Variants in GNAO1 observed in about 807,000 individuals in gnomAD.
The protein encoded by GNAO1 is guanine nucleotide-binding protein G(o) subunit alpha.
For missense variants in GNAO1, 166 were observed against 478.7 expected, an observed-to-expected ratio of 0.35 and a Z score of 6.10; for synonymous variants, 164 against 180.7, an observed-to-expected ratio of 0.91 and a Z score of 0.74.
At chr16:56,294,588 G>C (rs1172460962) in intron 3 of GNAO1, among the ~76,000 whole-genome samples, 1 of 152,186 alleles carries the variant, frequency 6.6e-6, no homozygotes, top group Non-Finnish European at 1.5e-5. Flanking sequence ...TGATGTACAA[G>C]TTTTTGTGGG....
At chr16:56,302,232 T>A (rs1332716332) in intron 3 of GNAO1, 1 of 152,338 alleles carries the variant, frequency 6.6e-6, no homozygotes, top group African/African-American at 2.4e-5. Flanking sequence ...GGCCTCTCCC[T>A]GAAGGGTTTC....
At chr16:56,296,412 T>C (rs1164055795) in intron 3 of GNAO1, among the ~76,000 whole-genome samples, 1 of 152,176 alleles carries the variant, frequency 6.6e-6, no homozygotes, top group Non-Finnish European at 1.5e-5. Flanking sequence ...GGAGAAGCGC[T>C]TGTTTCCCAT....
intron 6 of GNAO1, chr16:56,346,503 G>T: frequency 1.0e-6 from 1 of 985,380 alleles, no homozygotes; most frequent in Middle Eastern, 5.2e-4. Flanking sequence ...GACCTGCGCC[G>T]CTGACCATCC....
At chr16:56,262,572 A>G (rs1440631300) in intron 2 of GNAO1, among the ~76,000 whole-genome samples, 1 of 152,208 alleles carries the variant, frequency 6.6e-6, no homozygotes, top group East Asian at 1.9e-4. Context: ...AAGACTGAAC[A>G]AGATGAGCAA....
At position 56,279,960 on chromosome 16, in the gene GNAO1, A is replaced by G. The variant is rs536038135; in HGVS notation, c.303+3888A>G. Among the ~76,000 whole-genome samples, 6 of 152,372 alleles carry G rather than the reference A, an allele frequency of 3.9e-5. No individual in the cohort carries two copies. The South Asian group carries it at 1.2e-3, about 32-fold the overall frequency. ...GCCAACACAGTGCTCAGCACTTAGT[A>G]GGACTTCAAGACCCATCCCATTAAT... On this transcript the variant is annotated intron_variant, in intron 3 of 8. Transcript: ENST00000262493.
intron 2 of GNAO1, among the ~76,000 whole-genome samples, chr16:56,272,565 C>A (rs2037028255): frequency 6.6e-6 from 1 of 152,204 alleles, no homozygotes; most frequent in Non-Finnish European, 1.5e-5. Flanking sequence ...CAGATTGAGA[C>A]CTGCCAGGCA....
chr16:56,335,270 A>C (rs1416005599), intron 5 of GNAO1, among the ~76,000 whole-genome samples: 1 of 152,178 alleles, frequency 6.6e-6, no homozygotes, highest in Admixed American at 6.5e-5. Flanking sequence ...CCAGAGCTGG[A>C]AGGAGCAGAG....
At chr16:56,318,674 C>A (rs2037539321) in intron 3 of GNAO1, among the ~76,000 whole-genome samples, 1 of 152,224 alleles carries the variant, frequency 6.6e-6, no homozygotes, top group Non-Finnish European at 1.5e-5. Context: ...TGATCCAAAG[C>A]AGCTCCTCAA....
chr16:56,270,897 C>G (rs1250812344), intron 2 of GNAO1: 3 of 152,166 alleles, frequency 2.0e-5, no homozygotes, highest in Non-Finnish European at 4.4e-5. Context: ...AATCGCTCAG[C>G]TATGTAGATG....
intron 3 of GNAO1, among the ~76,000 whole-genome samples, chr16:56,318,764 C>T (rs2037540647): frequency 6.6e-6 from 1 of 152,198 alleles, no homozygotes; most frequent in South Asian, 2.1e-4. Flanking sequence ...TTGTACAAAG[C>T]AGGCTTATTT....
chr16:56,211,783 A>G (rs2036391322), intron 2 of GNAO1, among the ~76,000 whole-genome samples: 1 of 152,106 alleles, frequency 6.6e-6, no homozygotes. Context: ...CTTCTCGTTG[A>G]TTGTCCAGAG....
intron 6 of GNAO1, among the ~76,000 whole-genome samples, chr16:56,338,904 C>T (rs904343509): frequency 6.6e-6 from 1 of 152,256 alleles, no homozygotes; most frequent in Non-Finnish European, 1.5e-5. Flanking sequence ...TCTCTCACCT[C>T]CCTTTTTCCC....
intron 2 of GNAO1, among the ~76,000 whole-genome samples, chr16:56,242,938 G>A (rs8056495): frequency 0.018 from 2,668 of 152,166 alleles, 47 homozygotes; most frequent in South Asian, 0.052. Context: ...ATTTACAGCC[G>A]CTCCCTATCG....
chr16:56,347,776 C>A, intron 6 of GNAO1: 1 of 885,706 alleles, frequency 1.1e-6, no homozygotes, highest in Non-Finnish European at 1.3e-6. Flanking sequence ...CCCCTCCCCT[C>A]CCTTTCCCTC....
rs937115166 is a variant in GNAO1, at chr16:56,193,753, T to G, written c.161+1137T>G. ...GAGGGGGTGGCCGGCAGCGAAGGGGTGTGCGCCCTCCGGGCCTCCTGTTTC... is the reference window on the plus strand; with the variant it reads ...GAGGGGGTGGCCGGCAGCGAAGGGGGGTGCGCCCTCCGGGCCTCCTGTTTC... On this transcript the variant is annotated intron_variant, in intron 2 of 8. Transcript: ENST00000262493. The G allele has an allele frequency of 4.8e-5, 13 of 271,086 alleles. No homozygotes were observed. In the Admixed American group the frequency reaches 6.2e-4, roughly 13 times the overall value. 16.8% of individuals were successfully genotyped at this position (271,086 alleles called of 1,614,324 possible). A position where few individuals can be genotyped will look rare whatever the true frequency, so the allele number is the denominator to read the frequency against.
At chr16:56,210,473 T>G (rs2036375693) in intron 2 of GNAO1, among the ~76,000 whole-genome samples, 1 of 152,322 alleles carries the variant, frequency 6.6e-6, no homozygotes, top group South Asian at 2.1e-4. Flanking sequence ...CAGGTTTAGT[T>G]TTGTAGGAAA....
intron 2 of GNAO1, among the ~76,000 whole-genome samples, chr16:56,271,359 TAAACCCTC>T (rs1240514425): frequency 1.1e-4 from 16 of 152,254 alleles, no homozygotes. Flanking sequence ...GCACAGAGGG[TAAACCCTC>T]AAACATGAGC....
At chr16:56,292,036 G>A (rs1271609869) in intron 3 of GNAO1, among the ~76,000 whole-genome samples, 4 of 152,126 alleles carry the variant, frequency 2.6e-5, no homozygotes, top group East Asian at 1.9e-4. Flanking sequence ...CCCTGCCTTC[G>A]GGACTTACAC....
At chr16:56,324,065 C>T (rs1015048389) in intron 3 of GNAO1, among the ~76,000 whole-genome samples, 1 of 152,148 alleles carries the variant, frequency 6.6e-6, no homozygotes, top group Non-Finnish European at 1.5e-5. Context: ...GACCCCTCCC[C>T]GTCCCACAAC....
Sources: gnomAD v4.1 joint callset for allele counts (sites outside exome capture counted in the v4.1 genomes callset) on GRCh38, gnomAD v4.1.1 for gene constraint, MANE v1.5 for transcripts, NCBI Gene and HGNC (gene_info 2026-07-23, HGNC 2026-07-21) for gene names.